Variants in SECISBP2 observed in about 807,000 individuals in gnomAD.
SECISBP2 encodes the protein SECIS binding protein 2.
A neutral mutation model predicts 98.2 loss-of-function variants in SECISBP2; 96 were observed. That is an observed-to-expected ratio of 0.98 (90% CI 0.83 to 1.16). The LOEUF is 1.16. Among genes scored for constraint, SECISBP2 ranks in the 50% most tolerant of loss-of-function variants. The pLI, the probability that SECISBP2 is intolerant of heterozygous loss-of-function variation, is 0.00. For synonymous variants in SECISBP2, 407 were observed against 370.2 expected (o/e 1.10, Z -1.14); for missense variants, 1,046 against 1,022.9 (o/e 1.02, Z -0.31).
In SECISBP2 at chr9:89,324,310, A is replaced by C. The variant is rs543881535; in HGVS notation, c.183-1117A>C. On this transcript the variant is annotated intron_variant, in intron 2 of 16. Transcript: ENST00000375807. ...TGTTGGACAGACAAAGGTCAGTAAAAAGGGGTTTATTTGATTTTTAATTAG... is the reference window on the plus strand; with the variant it reads ...TGTTGGACAGACAAAGGTCAGTAAACAGGGGTTTATTTGATTTTTAATTAG... 7.2e-5 allele frequency: 11 copies of C among 152,344 alleles called. No homozygotes were observed. In the East Asian group the frequency reaches 1.7e-3, roughly 24 times the overall value. The allele number at this position is 152,344 out of a possible 1,614,324, so 9.4% of individuals were successfully genotyped here.
intron 1 of SECISBP2, 167 bp downstream of exon 1, chr9:89,318,779 G>A (rs544042896): frequency 5.6e-6 from 7 of 1,258,190 alleles, no homozygotes; most frequent in Non-Finnish European, 7.1e-6. Flanking sequence ...CCCGCCTCGG[G>A]TCCGCCTTGG....
intron 2 of SECISBP2, chr9:89,324,266 A>T (rs781015165): frequency 6.6e-6 from 1 of 152,242 alleles, no homozygotes; most frequent in South Asian, 2.1e-4. Flanking sequence ...TGTTTGGAGC[A>T]GTGCTAGGCC....
chr9:89,336,064 T>C (rs1181201023), intron 7 of SECISBP2, among the ~76,000 whole-genome samples: 1 of 149,422 alleles, frequency 6.7e-6, no homozygotes, highest in Non-Finnish European at 1.5e-5. Flanking sequence ...TTTTTTTCCC[T>C]TAAGTAATTT....
chr9:89,352,663 C>T lies in SECISBP2; in HGVS notation c.2113+1811C>T, dbSNP rs1404861616. 3.3e-5 allele frequency among the ~76,000 whole-genome samples: 5 copies of T among 152,120 alleles called. No individual in the cohort carries two copies. The South Asian group carries it at 8.3e-4, about 25-fold the overall frequency. On this transcript the variant is annotated intron_variant, in intron 14 of 16. Coordinates refer to ENST00000375807, the MANE Select transcript of SECISBP2 (RefSeq NM_024077.5). ...CCAGCTCTTGGAAGTATGTCAGGGTCGGGCCTCCTGGACTGGTGTCCTCAC... is the reference window on the plus strand; with the variant it reads ...CCAGCTCTTGGAAGTATGTCAGGGTTGGGCCTCCTGGACTGGTGTCCTCAC...
At chr9:89,348,029 C>G (rs979856923) in intron 11 of SECISBP2, 50 bp from the exon 12 acceptor site, 9 of 1,538,552 alleles carry the variant, frequency 5.8e-6, no homozygotes, top group Non-Finnish European at 7.1e-6. Flanking sequence ...AAGAGCTTAT[C>G]TTTTAAGTAC....
At chr9:89,347,598 C>T (rs1371256086) in intron 11 of SECISBP2, among the ~76,000 whole-genome samples, 1 of 151,954 alleles carries the variant, frequency 6.6e-6, no homozygotes, top group Non-Finnish European at 1.5e-5. Context: ...CCTGCCTCAG[C>T]CTCCCGAGTA....
At chr9:89,320,122 C>T (rs758853659) in intron 2 of SECISBP2, among the ~76,000 whole-genome samples, 24 of 151,962 alleles carry the variant, frequency 1.6e-4, no homozygotes, top group Non-Finnish European at 2.6e-4. Context: ...TTTGGGAGGC[C>T]GAGGTGGGTG....
chr9:89,366,030 A>G, the SECISBP2 span, among the ~76,000 whole-genome samples: 8 of 152,316 alleles, frequency 5.3e-5, no homozygotes, highest in Admixed American at 3.3e-4. Flanking sequence ...CCTAGGAATG[A>G]GTCCCGAGGC....
chr9:89,319,588 T>C, intron 1 of SECISBP2, 64 bp from the exon 2 acceptor site: 1 of 1,588,624 alleles, frequency 6.3e-7, no homozygotes, highest in Non-Finnish European at 8.6e-7. Context: ...CTTGGGTCTT[T>C]TTGTTTGTTT....
In SECISBP2 at chr9:89,318,609, C is replaced by T. The variant is rs1042720574; in HGVS notation, c.33C>T (p.Ser11=). Residue 11 remains serine, a synonymous_variant, in exon 1 of 17, where the codon AGC becomes AGT. Transcript: ENST00000375807. The part of the protein sequence containing the change: MASEGPREPE[S]EGIKLSADVK... ...CGGAGGGGCCGCGGGAGCCCGAAAG[C>T]GAGGTAAGGGCCGACGGGGGCTCTC... 1.4e-6 allele frequency: 2 copies of T among 1,455,580 alleles called. No homozygotes were observed. The highest frequency in any genetic ancestry group is 5.4e-5 in the Admixed American group (2 of 36,886). The allele number at this position is 1,455,580 out of a possible 1,614,324, so 90.2% of individuals were successfully genotyped here.
rs1258739475 is a variant in SECISBP2, at chr9:89,325,325, G to A, written c.183-102G>A. On this transcript the variant is annotated intron_variant, in intron 2 of 16. Coordinates refer to ENST00000375807, the MANE Select transcript of SECISBP2 (RefSeq NM_024077.5). ...GATTATTCCAGTGCTAGAGTGAATG[G>A]TCTCAGAAATATTAAATGTTCAGTT... 8.1e-6 allele frequency: 9 copies of A among 1,107,870 alleles called. No individual in the cohort carries two copies. In the African/African-American group the frequency reaches 1.1e-4, roughly 13 times the overall value. The allele number at this position is 1,107,870 out of a possible 1,614,324, so 68.6% of individuals were successfully genotyped here.
chr9:89,354,824 C>T (rs762183472), intron 14 of SECISBP2: 4 of 985,180 alleles, frequency 4.1e-6, no homozygotes, highest in Non-Finnish European at 4.8e-6. Context: ...CAGGCAGAGA[C>T]CCTCCAGTGA....
In SECISBP2 at chr9:89,328,775, G is replaced by A; in HGVS notation, c.690G>A (p.Glu230=). 1 of 1,614,202 alleles carries A rather than the reference G, an allele frequency of 6.2e-7. No homozygotes were observed. ...TLDFPELQGA[E]NNMSEIQKQP... ...ACTTTCCTGAACTGCAAGGTGCAGA[G>A]AACAATATGTCAGAGATACAGAAGC... is the stretch of plus-strand genomic sequence containing the variant. Residue 230 remains glutamate, a synonymous_variant, in exon 5 of 17, where the codon GAG becomes GAA. Coordinates refer to ENST00000375807, the MANE Select transcript of SECISBP2 (RefSeq NM_024077.5).
At chr9:89,353,424 T>C (rs1034236751) in intron 14 of SECISBP2, among the ~76,000 whole-genome samples, 3 of 152,138 alleles carry the variant, frequency 2.0e-5, no homozygotes, top group Non-Finnish European at 2.9e-5. Flanking sequence ...CACCATTAGA[T>C]GTGTGGTGCG....
chr9:89,358,597 C>G, intron 16 of SECISBP2, 124 bp from the exon 17 acceptor site: 1 of 741,996 alleles, frequency 1.3e-6, no homozygotes, highest in Non-Finnish European at 2.4e-6. Context: ...GCCAGGGCAC[C>G]TCTGAGCACC....
intron 7 of SECISBP2, among the ~76,000 whole-genome samples, chr9:89,336,167 C>A (rs1298522804): frequency 7.8e-6 from 1 of 128,268 alleles, no homozygotes; most frequent in Non-Finnish European, 1.6e-5. Context: ...TTTCTAGCAA[C>A]TGGGACTACA....
At chr9:89,328,006 A>G (rs754533402) in intron 4 of SECISBP2, among the ~76,000 whole-genome samples, 12 of 152,120 alleles carry the variant, frequency 7.9e-5, no homozygotes, top group Non-Finnish European at 1.6e-4. Flanking sequence ...GGGTTTTACC[A>G]TGTTGGCCAG....
rs774132280 is a variant in SECISBP2, at chr9:89,325,909, G to A, written c.445G>A (p.Asp149Asn). ...MKALFKKKTYDEKKTYDQQKF... is the reference protein window; with the variant it reads ...MKALFKKKTYNEKKTYDQQKF... ...ATCTTTCCTGCAGAAGAAAACCTAT[G>A]ATGAGAAAAAAACGTATGATCAGCA... is the stretch of plus-strand genomic sequence containing the variant. Residue 149 changes from aspartate to asparagine, a missense_variant, in exon 4 of 17, where the codon GAT becomes AAT. Physicochemically the swap from Asp to Asn is conservative, Grantham distance 23 (BLOSUM62 1). Coordinates refer to ENST00000375807, the MANE Select transcript of SECISBP2 (RefSeq NM_024077.5). 6.2e-7 allele frequency: 1 copy of A among 1,613,918 alleles called. No individual in the cohort carries two copies. Among genetic ancestry groups the A allele is most frequent in the South Asian group, 1.1e-5 (1 of 91,080 alleles).
downstream of SECISBP2, among the ~76,000 whole-genome samples, chr9:89,360,345 ATTAT>A (rs1350695101): frequency 2.0e-5 from 3 of 152,194 alleles, no homozygotes; most frequent in Admixed American, 1.3e-4. Flanking sequence ...AAAATAGGAG[ATTAT>A]TTGAGAATGA....
Sources: allele counts gnomAD v4.1 joint callset (sites outside exome capture counted in the v4.1 genomes callset), GRCh38; gene constraint gnomAD v4.1.1; transcripts MANE v1.5; gene names NCBI Gene and HGNC (gene_info 2026-07-23, HGNC 2026-07-21).